The following MYBBP1A variants were observed in gnomAD, a reference collection of about 807,000 sequenced individuals.
The protein encoded by MYBBP1A is myb-binding protein 1A.
In MYBBP1A, 147 loss-of-function variants were observed where a neutral mutation model predicts 136.3. The observed-to-expected ratio is 1.08, with a 90% confidence interval of 0.94 to 1.24. MYBBP1A has a LOEUF of 1.24. Among genes scored for constraint, MYBBP1A ranks in the 50% most tolerant of loss-of-function variants. The pLI is 0.00. For synonymous variants in MYBBP1A, 947 were observed against 735.8 expected (o/e 1.29, Z -4.65); for missense variants, 2,060 against 1,727.4 (o/e 1.19, Z -3.41).
At chr17:4,549,845 TCA>T (rs1429517440) in intron 9 of MYBBP1A, among the ~76,000 whole-genome samples, 5 of 145,820 alleles carry the variant, frequency 3.4e-5, no homozygotes, top group African/African-American at 1.3e-4. Flanking sequence ...TTGCCTGATC[TCA>T]GAGACAACAC....
chr17:4,540,008 G>A (rs1426181458), intron 25 of MYBBP1A, 41 bp from the exon 26 acceptor site: 1 of 1,576,660 alleles, frequency 6.3e-7, no homozygotes, highest in South Asian at 1.1e-5. Flanking sequence ...CCCATCGAGG[G>A]CAGCAGCCAC....
intron 13 of MYBBP1A, among the ~76,000 whole-genome samples, chr17:4,547,032 C>A (rs1413149902): frequency 2.0e-5 from 3 of 152,064 alleles, no homozygotes; most frequent in Non-Finnish European, 2.9e-5. Context: ...CTGCTTCACC[C>A]TCCTGAGTAG....
chr17:4,551,487 T>C (rs1567612821), intron 8 of MYBBP1A, among the ~76,000 whole-genome samples: 1 of 152,200 alleles, frequency 6.6e-6, no homozygotes, highest in Non-Finnish European at 1.5e-5. Context: ...GGCGGGTGGA[T>C]CACCTAAGGT....
intron 19 of MYBBP1A, 59 bp downstream of exon 19, chr17:4,544,430 G>GCTCTCCTGCGCCTGGGGGCTGCCGGC: frequency 6.5e-7 from 1 of 1,534,730 alleles, no homozygotes; most frequent in East Asian, 2.4e-5. Context: ...TAGAGCTCTG[G>GCTCTCCTGCGCCTGGGGGCTGCCGGC]CTCTCCTGCG....
rs1907663639 is a variant in MYBBP1A at position 4,552,938 on chromosome 17, A to G, written c.562-312T>C. On this transcript the variant is annotated intron_variant, in intron 5 of 25. Transcript: ENST00000254718. The surrounding 1 kb of genome is among the most constrained non-coding windows in gnomAD (Gnocchi z 4.7). ...AACCTCCGCCTCCCAGGTTGAAGCA[A>G]TTCTCCTGCCTCAGGTGGGATTAAA... Among the ~76,000 whole-genome samples the G allele has an allele frequency of 1.3e-5, 2 of 151,602 alleles. No homozygotes were observed. The highest frequency in any genetic ancestry group is 4.9e-5 in the African/African-American group (2 of 41,202).
chr17:4,549,486 G>A (rs1203313944), intron 9 of MYBBP1A, 44 bp from the exon 10 acceptor site: 5 of 1,560,718 alleles, frequency 3.2e-6, no homozygotes, highest in Non-Finnish European at 2.6e-6. Context: ...CTTATAACTG[G>A]CAGAAACAGG....
At position 4,545,346 on chromosome 17, in the gene MYBBP1A, C is replaced by T; in HGVS notation, c.2074-1G>A. 1 of 1,613,182 alleles carries T rather than the reference C, an allele frequency of 6.2e-7. No individual in the cohort carries two copies. Among genetic ancestry groups the T allele is most frequent in the Non-Finnish European group, 8.5e-7 (1 of 1,179,966 alleles). ...CCTCACTGGTCTCGGGGTTCAGCAC[C>T]TGGGGAGGGGTGCCAGCCACTGACC... On this transcript the variant is annotated splice_acceptor_variant, in intron 15 of 25. Transcript: ENST00000254718. LOFTEE classifies it high-confidence loss of function.
At chr17:4,541,154 T>C (rs1906381560) in intron 24 of MYBBP1A, among the ~76,000 whole-genome samples, 1 of 145,946 alleles carries the variant, frequency 6.9e-6, no homozygotes, top group South Asian at 2.3e-4. Flanking sequence ...TCTCCAACCC[T>C]TCCACAGTCT....
chr17:4,552,792 T>C lies in MYBBP1A; in HGVS notation c.562-166A>G, dbSNP rs1323324564. Reference sequence around the variant, plus strand: ...CAGGCAGCGGGGTTTTTGACAAGCATCCCACTGACGCTAACTGGCCCCTGG... The same window carrying C: ...CAGGCAGCGGGGTTTTTGACAAGCACCCCACTGACGCTAACTGGCCCCTGG... On this transcript the variant is annotated intron_variant, in intron 5 of 25. Transcript: ENST00000254718. This position sits in a 1 kb window ranked among gnomAD's most constrained non-coding sequence, Gnocchi z 4.7. Among the ~76,000 whole-genome samples, 1 of 151,328 alleles carries C rather than the reference T, an allele frequency of 6.6e-6. No individual in the cohort carries two copies. The highest frequency in any genetic ancestry group is 1.5e-5 in the Non-Finnish European group (1 of 67,918).
rs149464957 is a variant in MYBBP1A at position 4,551,970 on chromosome 17, C to A, written c.933G>T (p.Ala311=). The A allele has an allele frequency of 7.4e-6, 12 of 1,611,034 alleles. No individual in the cohort carries two copies. Among genetic ancestry groups the A allele is most frequent in the Non-Finnish European group, 1.0e-5 (12 of 1,177,902 alleles). ...GCTCCTTGGTCAGCAGGGGCAGGGC[C>A]GCGCCCAGCAGGCGGAAACACAGGT... is the stretch of plus-strand genomic sequence containing the variant. ...ASYLCFRLLG[A]ALPLLTKEQL... Residue 311 remains alanine, a synonymous_variant, in exon 8 of 26, where the codon GCG becomes GCT. Transcript: ENST00000254718.
chr17:4,543,817 A>T (rs1487000562), intron 19 of MYBBP1A, among the ~76,000 whole-genome samples: 2 of 152,018 alleles, frequency 1.3e-5, no homozygotes, highest in Admixed American at 1.3e-4. Flanking sequence ...CTCTGCCTCC[A>T]GCACAGCCCC....
At chr17:4,547,466 GAGCA>G (rs1170656090) in intron 13 of MYBBP1A, among the ~76,000 whole-genome samples, 1 of 152,166 alleles carries the variant, frequency 6.6e-6, no homozygotes, top group African/African-American at 2.4e-5. Context: ...GGCCAGACGG[GAGCA>G]AGCAAGAGAC....
At position 4,548,696 on chromosome 17, in the gene MYBBP1A, T is replaced by C; in HGVS notation, c.1431-47A>G. On this transcript the variant is annotated intron_variant, in intron 10 of 25. Coordinates refer to ENST00000254718, the MANE Select transcript of MYBBP1A (RefSeq NM_014520.4). This position sits in a 1 kb window ranked among gnomAD's most constrained non-coding sequence, Gnocchi z 4.2. ...CCATAGCCATTCACTGCCATTGGTT[T>C]TTACAGGCTCCCCTCCTTGGATGGT... 1 of 1,611,822 alleles carries C rather than the reference T, an allele frequency of 6.2e-7. No homozygotes were observed. The highest frequency in any genetic ancestry group is 8.5e-7 in the Non-Finnish European group (1 of 1,178,926).
In MYBBP1A at chr17:4,539,468, G is replaced by T; in HGVS notation, c.3934C>A (p.Leu1312Ile). Residue 1312 changes from leucine to isoleucine, a missense_variant, in exon 26 of 26, where the codon CTT becomes ATT. By Grantham distance (5) the Leu-to-Ile change is conservative. Coordinates refer to ENST00000254718, the MANE Select transcript of MYBBP1A (RefSeq NM_014520.4). The stretch of plus-strand genomic sequence containing the variant: ...GCTTTCTTCTTGGCCCCACTCTGAA[G>T]CAGGCTGGGACTCCTGATGACCAAA... The part of the protein sequence containing the change: ...LSLVIRSPSL[L>I]QSGAKKKAQV... The T allele has an allele frequency of 6.2e-7, 1 of 1,614,084 alleles. No homozygotes were observed. Among genetic ancestry groups the T allele is most frequent in the Non-Finnish European group, 8.5e-7 (1 of 1,180,012 alleles).
At position 4,551,885 on chromosome 17, in the gene MYBBP1A, C is replaced by G. The variant is rs1907541388; in HGVS notation, c.1018G>C (p.Ala340Pro). 6.2e-7 allele frequency: 1 copy of G among 1,612,992 alleles called. No individual in the cohort carries two copies. The highest frequency in any genetic ancestry group is 8.5e-7 in the Non-Finnish European group (1 of 1,179,598). The change falls in exon 8 of 26, where the codon GCT becomes CCT. Residue 340 changes from alanine (A) to proline (P), a missense_variant. Coordinates refer to ENST00000254718, the MANE Select transcript of MYBBP1A (RefSeq NM_014520.4). Reference protein sequence around the residue: ...IRHYGEHVCTAKLPKQFKFAP... With the variant: ...IRHYGEHVCTPKLPKQFKFAP... ...GCTGCACGGGCATTACCCACCTTAG[C>G]AGTGCACACGTGCTCCCCGTAATGG...
chr17:4,550,299 G>A lies in MYBBP1A; in HGVS notation c.1078C>T (p.Leu360=), dbSNP rs1269759156. 1 of 1,613,104 alleles carries A rather than the reference G, an allele frequency of 6.2e-7. No individual in the cohort carries two copies. Among genetic ancestry groups the A allele is most frequent in the Non-Finnish European group, 8.5e-7 (1 of 1,179,900 alleles). The change falls in exon 9 of 26, where the codon CTA becomes TTA. Residue 360 remains leucine, a synonymous_variant. Coordinates refer to ENST00000254718, the MANE Select transcript of MYBBP1A (RefSeq NM_014520.4). The part of the protein sequence containing the change: ...PEMDDYVGTF[L]EGCQDDPERQ... ...TCAGGGTCATCCTGGCACCCCTCTA[G>A]GAAGGTGCCCACGTAATCGTCCATC...
chr17:4,548,187 G>T lies in MYBBP1A; in HGVS notation c.1680C>A (p.Thr560=). Residue 560 remains threonine, a synonymous_variant, in exon 12 of 26, where the codon ACC becomes ACA. Transcript: ENST00000254718. The surrounding 1 kb of genome is among the most constrained non-coding windows in gnomAD (Gnocchi z 4.2). ...GCTGCGCAGTGAAGGGTGTCACGGT[G>T]GTCACGTTGTGGCTGTGATTCAACA... is the stretch of plus-strand genomic sequence containing the variant. The part of the protein sequence containing the change: ...DLLLNHSHNV[T]TVTPFTAQQR... 1 of 1,606,596 alleles carries T rather than the reference G, an allele frequency of 6.2e-7. No individual in the cohort carries two copies. Among genetic ancestry groups the T allele is most frequent in the East Asian group, 2.2e-5 (1 of 44,876 alleles).
Position 4,554,053 on chromosome 17 carries a change from A to C in MYBBP1A, c.419T>G (p.Val140Gly). 1 of 1,613,932 alleles carries C rather than the reference A, an allele frequency of 6.2e-7. No homozygotes were observed. Among genetic ancestry groups the C allele is most frequent in the Non-Finnish European group, 8.5e-7 (1 of 1,180,028 alleles). Residue 140 changes from valine to glycine, a missense_variant, in exon 4 of 26, where the codon GTG becomes GGG. Coordinates refer to ENST00000254718, the MANE Select transcript of MYBBP1A (RefSeq NM_014520.4). ...CCGACCTGACTGAAAGAGGGCGAGC[A>C]CTCCAAACAGGTTTGCAAAGAGAGC... The part of the protein sequence containing the change: ...RPALFANLFG[V>G]LALFQSGRLV...
intron 15 of MYBBP1A, 37 bp downstream of exon 15, chr17:4,545,573 C>A: frequency 6.5e-7 from 1 of 1,548,684 alleles, no homozygotes. Context: ...CTCAGTGAGC[C>A]CCAGCCCACA....
Sources: allele counts gnomAD v4.1 joint callset (sites outside exome capture counted in the v4.1 genomes callset), GRCh38; gene constraint gnomAD v4.1.1; non-coding constraint Gnocchi (gnomAD v3.1); transcripts MANE v1.5; gene names NCBI Gene and HGNC (gene_info 2026-07-23, HGNC 2026-07-21).